FAM219A: variants seen among roughly 807,000 people sequenced by gnomAD.
FAM219A encodes protein FAM219A.
In FAM219A, 7 loss-of-function variants were observed where a neutral mutation model predicts 23.4. The observed-to-expected ratio is 0.30, with a 90% CI of 0.17 to 0.56. The LOEUF (loss-of-function observed/expected upper bound fraction) is 0.56. Among genes scored for constraint, FAM219A ranks in the 20% least tolerant of loss-of-function variants. FAM219A has a pLI of 0.92. For synonymous variants in FAM219A, 93 were observed against 99.0 expected (o/e 0.94, Z 0.36); for missense variants, 166 against 246.9 (o/e 0.67, Z 2.20).
intron 5 of FAM219A, 100 bp downstream of exon 5, chr9:34,401,566 C>G: frequency 7.2e-7 from 1 of 1,384,806 alleles, no homozygotes; most frequent in Non-Finnish European, 1.0e-6. Context: ...CCTTGCCCAG[C>G]CCTCTTTTTC....
chr9:34,434,979 C>G lies in FAM219A; in HGVS notation c.60+23225G>C, dbSNP rs191782356. Reference sequence around the variant, plus strand: ...GGACTACAGGCATGTGCCACCACATCTGGCTAACTTTTTGTATTTTTGGTG... The same window carrying G: ...GGACTACAGGCATGTGCCACCACATGTGGCTAACTTTTTGTATTTTTGGTG... On this transcript the variant is annotated intron_variant, in intron 1 of 5. Coordinates refer to ENST00000651358, the MANE Select transcript of FAM219A (RefSeq NM_001184940.2). 2.5e-3 allele frequency among the ~76,000 whole-genome samples: 377 copies of G among 152,268 alleles called. 1 individual carries two copies. Among genetic ancestry groups the G allele is most frequent in the African/African-American group, 8.6e-3 (357 of 41,574 alleles).
At chr9:34,416,894 C>G (rs574197481) in intron 1 of FAM219A, among the ~76,000 whole-genome samples, 2 of 145,258 alleles carry the variant, frequency 1.4e-5, no homozygotes, top group South Asian at 4.5e-4. Context: ...CAGGCACAAT[C>G]ATAGCTTACT....
intron 1 of FAM219A, among the ~76,000 whole-genome samples, chr9:34,437,813 C>T (rs1165172965): frequency 6.6e-6 from 1 of 152,258 alleles, no homozygotes; most frequent in Non-Finnish European, 1.5e-5. Flanking sequence ...GCCTGGGCTC[C>T]TACTTTGGTG....
chr9:34,449,958 G>A (rs991185716), intron 1 of FAM219A, among the ~76,000 whole-genome samples: 8 of 152,140 alleles, frequency 5.3e-5, no homozygotes, highest in East Asian at 3.8e-4. Context: ...GGTCTAAACC[G>A]TGCATGGTGC....
intron 1 of FAM219A, among the ~76,000 whole-genome samples, chr9:34,453,131 A>C (rs1263542710): frequency 6.6e-6 from 1 of 152,214 alleles, no homozygotes; most frequent in Non-Finnish European, 1.5e-5. Flanking sequence ...CTGCTGGGTC[A>C]TGAGCCACAT....
intron 1 of FAM219A, among the ~76,000 whole-genome samples, chr9:34,450,331 G>A (rs1289602530): frequency 6.6e-6 from 1 of 151,668 alleles, no homozygotes; most frequent in Non-Finnish European, 1.5e-5. Context: ...AAAGTGGGGG[G>A]AACTATAATT....
At chr9:34,428,317 AC>A (rs1270036324) in intron 1 of FAM219A, among the ~76,000 whole-genome samples, 8 of 152,090 alleles carry the variant, frequency 5.3e-5, no homozygotes, top group Admixed American at 5.2e-4. Flanking sequence ...AGTAAACACA[AC>A]CCCTGTCTAG....
At chr9:34,448,687 A>T (rs1823452487) in intron 1 of FAM219A, among the ~76,000 whole-genome samples, 1 of 152,162 alleles carries the variant, frequency 6.6e-6, no homozygotes, top group Admixed American at 6.5e-5. Context: ...CTGATAAAAG[A>T]TTTGGATTAT....
intron 1 of FAM219A, among the ~76,000 whole-genome samples, chr9:34,432,412 T>G (rs756716972): frequency 3.3e-5 from 5 of 152,212 alleles, no homozygotes; most frequent in Non-Finnish European, 7.3e-5. Context: ...TCAGGTGATC[T>G]TCTACCACCT....
intron 2 of FAM219A, among the ~76,000 whole-genome samples, chr9:34,404,443 C>T (rs1408802512): frequency 1.3e-5 from 2 of 152,176 alleles, no homozygotes; most frequent in Admixed American, 6.5e-5. Flanking sequence ...TATGGTGGCT[C>T]ATGCCTGTAA....
intron 1 of FAM219A, among the ~76,000 whole-genome samples, chr9:34,447,614 A>C (rs1452359246): frequency 1.3e-5 from 2 of 152,170 alleles, no homozygotes; most frequent in Non-Finnish European, 2.9e-5. Flanking sequence ...CTTCTGGCTT[A>C]TGGGTCTCTT....
Position 34,417,201 on chromosome 9 carries a change from C to G in FAM219A, c.61-11237G>C, listed in dbSNP as rs751797585. 1.3e-5 allele frequency among the ~76,000 whole-genome samples: 2 copies of G among 152,042 alleles called. No homozygotes were observed. The highest frequency in any genetic ancestry group is 2.9e-5 in the Non-Finnish European group (2 of 68,020). Reference sequence around the variant, plus strand: ...ACCTGGGATTACAGGCATGCACAACCATATCTGGCTAATTTTTGTATTTTT... The same window carrying G: ...ACCTGGGATTACAGGCATGCACAACGATATCTGGCTAATTTTTGTATTTTT... On this transcript the variant is annotated intron_variant, in intron 1 of 5. Coordinates refer to ENST00000651358, the MANE Select transcript of FAM219A (RefSeq NM_001184940.2). This position sits in a 1 kb window ranked among gnomAD's most constrained non-coding sequence, Gnocchi z 4.1.
chr9:34,423,044 C>A (rs969006426), intron 1 of FAM219A, among the ~76,000 whole-genome samples: 1 of 152,148 alleles, frequency 6.6e-6, no homozygotes, highest in African/African-American at 2.4e-5. Context: ...TGGCACGTGT[C>A]TGTAGTCCTA....
In FAM219A at chr9:34,458,353, TGGTGCAGACTAGG is replaced by T. The variant is rs1823845612; in HGVS notation, c.-103_-91del. ...GCGGCGGCCCCAGGAGCCCGGCGGG[TGGTGCAGACTAGG>T]CCTCCCCGGACCACTCGGGCGGGCA... On this transcript the variant is annotated 5_prime_UTR_variant, in exon 1 of 6. Transcript: ENST00000651358. The surrounding 1 kb of genome is among the most constrained non-coding windows in gnomAD (Gnocchi z 6.6). 1 of 982,508 alleles carries T rather than the reference TGGTGCAGACTAGG, an allele frequency of 1.0e-6. No homozygotes were observed. The highest frequency in any genetic ancestry group is 4.8e-5 in the South Asian group (1 of 20,794). 60.9% of individuals were successfully genotyped at this position (982,508 alleles called of 1,614,324 possible). A position where few individuals can be genotyped will look rare whatever the true frequency, so the allele number is the denominator to read the frequency against.
chr9:34,421,009 T>TGTGAGAGAGAGAGAGAGAGA (rs1554677406), intron 1 of FAM219A, among the ~76,000 whole-genome samples: 9 of 86,430 alleles, frequency 1.0e-4, no homozygotes, highest in African/African-American at 2.0e-4. Context: ...TGTGTGTGTG[T>TGTGAGAGAGAGAGAGAGAGA]GAGAGAGAGA....
At chr9:34,438,872 C>A (rs967539776) in intron 1 of FAM219A, among the ~76,000 whole-genome samples, 1 of 152,254 alleles carries the variant, frequency 6.6e-6, no homozygotes, top group Non-Finnish European at 1.5e-5. Context: ...TCCCCATCCA[C>A]ACTGTGGAAG....
At chr9:34,438,920 G>A (rs1411476539) in intron 1 of FAM219A, among the ~76,000 whole-genome samples, 1 of 152,240 alleles carries the variant, frequency 6.6e-6, no homozygotes, top group Non-Finnish European at 1.5e-5. Flanking sequence ...TCTTGCTACT[G>A]CTCATTCTTT....
chr9:34,414,938 C>T (rs1037387981), intron 1 of FAM219A, among the ~76,000 whole-genome samples: 3 of 152,188 alleles, frequency 2.0e-5, no homozygotes, highest in Admixed American at 6.5e-5. Context: ...TTCTTTGTTT[C>T]CTTCTTTGTC....
intron 1 of FAM219A, among the ~76,000 whole-genome samples, chr9:34,429,744 T>A (rs1822621244): frequency 6.6e-6 from 1 of 151,996 alleles, no homozygotes; most frequent in Admixed American, 6.5e-5. Flanking sequence ...TGTCCTTCCC[T>A]CTGCAAAAAA....
Sources: allele counts gnomAD v4.1 joint callset (sites outside exome capture counted in the v4.1 genomes callset), GRCh38; gene constraint gnomAD v4.1.1; non-coding constraint Gnocchi (gnomAD v3.1); transcripts MANE v1.5; gene names NCBI Gene and HGNC (gene_info 2026-07-23, HGNC 2026-07-21).